Variants in KATNIP observed in about 807,000 individuals in gnomAD.
KATNIP encodes the protein katanin-interacting protein.
KATNIP carries 126 observed loss-of-function variants against 174.0 expected under a neutral mutation model. That is an observed-to-expected ratio of 0.72 (90% CI 0.63 to 0.84). The LOEUF is 0.84. Among genes scored for constraint, KATNIP ranks in the 40% least tolerant of loss-of-function variants. The pLI is 0.00. For synonymous variants in KATNIP, 810 were observed against 835.7 expected (o/e 0.97, Z 0.53); for missense variants, 1,958 against 2,109.7 (o/e 0.93, Z 1.41).
chr16:27,674,312 C>T (rs866313523), intron 6 of KATNIP, among the ~76,000 whole-genome samples: 1 of 152,210 alleles, frequency 6.6e-6, no homozygotes, highest in Non-Finnish European at 1.5e-5. Context: ...GGTCTAAAAT[C>T]AAGGCATTTA....
rs541942756 is a variant in KATNIP, at chr16:27,561,487, C to G, written c.7+11310C>G. On this transcript the variant is annotated intron_variant, in intron 1 of 27. Transcript: ENST00000261588. Reference sequence around the variant, plus strand: ...TCGTTTCCTAGTGAAGTCACTTTCTCTCCCAGCTCCCACTTCACTTCAGAG... The same window carrying G: ...TCGTTTCCTAGTGAAGTCACTTTCTGTCCCAGCTCCCACTTCACTTCAGAG... 2.6e-5 allele frequency among the ~76,000 whole-genome samples: 4 copies of G among 152,248 alleles called. 1 individual carries two copies. The East Asian group carries it at 7.7e-4, about 29-fold the overall frequency.
intron 7 of KATNIP, chr16:27,681,096 C>T (rs2078320958): frequency 2.5e-5 from 8 of 318,782 alleles, no homozygotes; most frequent in South Asian, 2.4e-4. Flanking sequence ...CCTCCCAAAG[C>T]ACCGGGATTA....
chr16:27,648,507 T>C (rs957144759), intron 5 of KATNIP, 97 bp from the exon 6 acceptor site: 4 of 1,460,388 alleles, frequency 2.7e-6, no homozygotes, highest in African/African-American at 1.4e-5. Flanking sequence ...TCTATGCCCA[T>C]AGATCCTGGC....
Position 27,677,959 on chromosome 16 carries a change from C to T in KATNIP, c.771C>T (p.Asp257=), listed in dbSNP as rs776066646. 5 of 1,614,114 alleles carry T rather than the reference C, an allele frequency of 3.1e-6. No individual in the cohort carries two copies. Among genetic ancestry groups the T allele is most frequent in the Admixed American group, 3.3e-5 (2 of 60,010 alleles). ...ETEGRSSPGP[D]TLVVLEFNPA... The stretch of plus-strand genomic sequence containing the variant: ...AAGGACGCTCTTCTCCAGGCCCAGA[C>T]ACCCTCGTGGTGCTGGAATTTAACC... The change falls in exon 7 of 28, where the codon GAC becomes GAT. Residue 257 remains aspartate, a synonymous_variant. Transcript: ENST00000261588.
rs367673113 is a variant in KATNIP, at chr16:27,704,023, G to A, written c.1389+25G>A. ...GGTGAGAGCCTTGACTTGATTTTCA[G>A]TTGTACATTCAGGAAGTTCCCTCAG... On this transcript the variant is annotated intron_variant, in intron 12 of 27. Transcript: ENST00000261588. 132 of 1,581,352 alleles carry A rather than the reference G, an allele frequency of 8.3e-5. No individual in the cohort carries two copies. In the African/African-American group the frequency reaches 1.5e-3, roughly 18 times the overall value.
At chr16:27,752,014 T>C (rs2081541253) in intron 17 of KATNIP, 90 bp downstream of exon 17, 6 of 1,005,836 alleles carry the variant, frequency 6.0e-6, no homozygotes, top group Non-Finnish European at 8.3e-6. Context: ...AAGATGGATA[T>C]CCTTTAAGCT....
At chr16:27,592,915 G>A (rs1440553631) in intron 2 of KATNIP, among the ~76,000 whole-genome samples, 1 of 152,114 alleles carries the variant, frequency 6.6e-6, no homozygotes, top group Non-Finnish European at 1.5e-5. Flanking sequence ...TCAGGACGTG[G>A]TTAAAAAAAT....
In KATNIP at chr16:27,779,815, A is replaced by G. The variant is rs1243769052; in HGVS notation, c.*1186A>G. 6.6e-6 allele frequency: 1 copy of G among 152,074 alleles called. No homozygotes were observed. The highest frequency in any genetic ancestry group is 2.4e-5 in the African/African-American group (1 of 41,376). The allele number at this position is 152,074 out of a possible 1,614,324, so 9.4% of individuals were successfully genotyped here. The stretch of plus-strand genomic sequence containing the variant: ...GGGTAATTTCTCGTTGCAAATATTA[A>G]TCCGTTGTTTTTCTGGCGCCCAGCC... On this transcript the variant is annotated 3_prime_UTR_variant, in exon 28 of 28. Transcript: ENST00000261588.
At chr16:27,705,395 G>A (rs1174635670) in intron 12 of KATNIP, among the ~76,000 whole-genome samples, 1 of 152,146 alleles carries the variant, frequency 6.6e-6, no homozygotes, top group East Asian at 1.9e-4. Flanking sequence ...AGGCCCCTGA[G>A]CTGGCCTGGC....
chr16:27,566,408 C>T (rs2090090664), intron 1 of KATNIP, among the ~76,000 whole-genome samples: 1 of 152,120 alleles, frequency 6.6e-6, no homozygotes, highest in South Asian at 2.1e-4. Flanking sequence ...TGGTGGTGGG[C>T]TCCTGTAATC....
chr16:27,607,906 C>T (rs2075760188), intron 2 of KATNIP, among the ~76,000 whole-genome samples: 2 of 152,168 alleles, frequency 1.3e-5, no homozygotes, highest in Admixed American at 1.3e-4. Context: ...CGGCCACAAA[C>T]AGTGGCTTCA....
At chr16:27,608,399 C>CTTTTTTTTTTTTTTTTT (rs11374534) in intron 2 of KATNIP, among the ~76,000 whole-genome samples, 1 of 97,556 alleles carries the variant, frequency 1.0e-5, no homozygotes. Flanking sequence ...ACTGGTGAAT[C>CTTTTTTTTTTTTTTTTT]TTTTTTTTTT....
chr16:27,665,324 C>T (rs1220842985), intron 6 of KATNIP, among the ~76,000 whole-genome samples: 6 of 151,244 alleles, frequency 4.0e-5, no homozygotes, highest in African/African-American at 9.7e-5. Context: ...GTGCTAGTCT[C>T]GAACTCCTGA....
intron 18 of KATNIP, among the ~76,000 whole-genome samples, chr16:27,759,563 C>T (rs2081874968): frequency 6.6e-6 from 1 of 152,202 alleles, no homozygotes; most frequent in Non-Finnish European, 1.5e-5. Context: ...ACTGGGCCTG[C>T]TCGAGTTCCT....
chr16:27,606,478 T>TACAC lies in KATNIP; in HGVS notation c.64-11929_64-11926dup, dbSNP rs149635649. ...CCCACTCGGGTATAAATCTCTCTCA[T>TACAC]ACACACACACACACACACACAGACA... On this transcript the variant is annotated intron_variant, in intron 2 of 27. Transcript: ENST00000261588. Among the ~76,000 whole-genome samples the TACAC allele has an allele frequency of 1.9e-4, 27 of 145,676 alleles. 1 individual carries two copies. The highest frequency in any genetic ancestry group is 5.0e-4 in the African/African-American group (20 of 39,892).
At chr16:27,699,710 G>A in intron 10 of KATNIP, 111 bp downstream of exon 10, 1 of 1,436,854 alleles carries the variant, frequency 7.0e-7, no homozygotes, top group Non-Finnish European at 9.5e-7. Context: ...GCACCTGATG[G>A]CCTCCAGGGC....
Position 27,678,580 on chromosome 16 carries a change from A to G in KATNIP, c.808+584A>G, listed in dbSNP as rs752426233. 4.6e-5 allele frequency among the ~76,000 whole-genome samples: 7 copies of G among 152,190 alleles called. No homozygotes were observed. In the Middle Eastern group the frequency reaches 0.02, roughly 444 times the overall value. On this transcript the variant is annotated intron_variant, in intron 7 of 27. Coordinates refer to ENST00000261588, the MANE Select transcript of KATNIP (RefSeq NM_015202.5). Reference sequence around the variant, plus strand: ...CTTTAAATAAGACACTGACTTTGCAACCCCTCAGAAAGTGAATTTTTCTTT... The same window carrying G: ...CTTTAAATAAGACACTGACTTTGCAGCCCCTCAGAAAGTGAATTTTTCTTT...
At chr16:27,707,517 A>T (rs2038242495) in intron 12 of KATNIP, among the ~76,000 whole-genome samples, 1 of 152,248 alleles carries the variant, frequency 6.6e-6, no homozygotes, top group Non-Finnish European at 1.5e-5. Flanking sequence ...CTTGTTTAAC[A>T]TCTGTGACAG....
intron 13 of KATNIP, chr16:27,709,226 G>A: frequency 3.3e-6 from 1 of 301,814 alleles, no homozygotes; most frequent in Non-Finnish European, 6.3e-6. Context: ...AAGCTGAGGT[G>A]GGAGGATCTC....
Sources: gnomAD v4.1 joint callset for allele counts (sites outside exome capture counted in the v4.1 genomes callset) on GRCh38, gnomAD v4.1.1 for gene constraint, MANE v1.5 for transcripts, NCBI Gene and HGNC (gene_info 2026-07-23, HGNC 2026-07-21) for gene names.